Variants in ERN2 observed in about 807,000 individuals in gnomAD.
The protein encoded by ERN2 is endoplasmic reticulum to nucleus signaling 2, also known as serine/threonine-protein kinase/endoribonuclease IRE2.
A neutral mutation model predicts 107.9 loss-of-function variants in ERN2; 111 were observed. That is an observed-to-expected ratio of 1.03 (90% CI 0.88 to 1.20). ERN2 has a LOEUF of 1.20. ERN2 is among the 50% of genes most tolerant of loss of function. The pLI is 0.00. For missense variants in ERN2, 1,225 were observed against 1,197.9 expected (o/e 1.02, Z -0.33); for synonymous variants, 524 against 501.7 (o/e 1.04, Z -0.59).
At chr16:23,711,791 A>G (rs35851391) in intron 1 of ERN2, among the ~76,000 whole-genome samples, 1 of 152,172 alleles carries the variant, frequency 6.6e-6, no homozygotes, top group African/African-American at 2.4e-5. Flanking sequence ...TTGAGTTGCC[A>G]TCCCTCTGAT....
At chr16:23,694,968 G>T in intron 16 of ERN2, 41 bp from the exon 17 acceptor site, 1 of 1,613,396 alleles carries the variant, frequency 6.2e-7, no homozygotes, top group Non-Finnish European at 8.5e-7. Flanking sequence ...TGCTGAGGGC[G>T]GAAGGCAGGG....
Position 23,690,753 on chromosome 16 carries a change from C to CGGTCTTTT in ERN2, c.*77_*78insAAAAGACC. 2 of 1,213,118 alleles carry CGGTCTTTT rather than the reference C, an allele frequency of 1.6e-6. No individual in the cohort carries two copies. The highest frequency in any genetic ancestry group is 2.3e-6 in the Non-Finnish European group (2 of 853,144). The allele number at this position is 1,213,118 out of a possible 1,614,324, so 75.1% of individuals were successfully genotyped here. On this transcript the variant is annotated 3_prime_UTR_variant, in exon 22 of 22. Coordinates refer to ENST00000256797, the MANE Select transcript of ERN2 (RefSeq NM_033266.4). Reference sequence around the variant, plus strand: ...TACAGGTGTGAGCCACTGCACCCAGCCTGATTCTGAGGCCAGCCACAGGCT... The same window carrying CGGTCTTTT: ...TACAGGTGTGAGCCACTGCACCCAGCGGTCTTTTCTGATTCTGAGGCCAGCCACAGGCT...
In ERN2 at chr16:23,695,069, A is replaced by T; in HGVS notation, c.1850T>A (p.Val617Glu). 6.2e-7 allele frequency: 1 copy of T among 1,613,860 alleles called. No homozygotes were observed. Among genetic ancestry groups the T allele is most frequent in the East Asian group, 2.2e-5 (1 of 44,860 alleles). ...CAGGCCAGACATCAGCTGCTGCAGCACGACCTCGGGCTCCAGACCCCCGCG... is the reference window on the plus strand; with the variant it reads ...CAGGCCAGACATCAGCTGCTGCAGCTCGACCTCGGGCTCCAGACCCCCGCG... Reference protein sequence around the residue: ...LDRGGLEPEVVLQQLMSGLAH... With the variant: ...LDRGGLEPEVELQQLMSGLAH... Residue 617 changes from valine to glutamate, a missense_variant, in exon 16 of 22, where the codon GTG (valine) becomes GAG (glutamate). Transcript: ENST00000256797.
chr16:23,713,126 G>A lies in ERN2; in HGVS notation c.62C>T (p.Ala21Val), dbSNP rs1387587019. The A allele has an allele frequency of 3.8e-6, 6 of 1,574,802 alleles. No individual in the cohort carries two copies. The highest frequency in any genetic ancestry group is 5.1e-6 in the Non-Finnish European group (6 of 1,166,084). ...WPRLGLQLQF[A>V]ALLLGTLSPQ... The stretch of plus-strand genomic sequence containing the variant: ...ACTCAGCGTCCCGAGCAGCAGCGCC[G>A]CGAACTGGAGCTGGAGCCCCAGCCG... Residue 21 changes from alanine to valine, a missense_variant, in exon 1 of 22, where the codon GCG (alanine) becomes GTG (valine). Coordinates refer to ENST00000256797, the MANE Select transcript of ERN2 (RefSeq NM_033266.4).
rs1286299640 is a variant in ERN2 at position 23,711,160 on chromosome 16, G to A, written c.94-142C>T. On this transcript the variant is annotated intron_variant, in intron 1 of 21. Transcript: ENST00000256797. Reference sequence around the variant, plus strand: ...AGGAAGGGTGATTGGGGAACGTGCTGGTGTCACTCATCATCTCTTTGACCC... The same window carrying A: ...AGGAAGGGTGATTGGGGAACGTGCTAGTGTCACTCATCATCTCTTTGACCC... 8.2e-6 allele frequency: 5 copies of A among 608,476 alleles called. No individual in the cohort carries two copies. The African/African-American group carries it at 9.2e-5, about 11-fold the overall frequency. The allele number at this position is 608,476 out of a possible 1,614,324, so 37.7% of individuals were successfully genotyped here.
At chr16:23,698,039 C>T (rs903971153) in intron 13 of ERN2, among the ~76,000 whole-genome samples, 2 of 152,152 alleles carry the variant, frequency 1.3e-5, no homozygotes, top group Admixed American at 6.5e-5. Flanking sequence ...TCAAAAATCT[C>T]GTGTCAGGGA....
chr16:23,710,132 C>T (rs1960479900), intron 4 of ERN2, 40 bp downstream of exon 4: 3 of 1,444,364 alleles, frequency 2.1e-6, no homozygotes, highest in African/African-American at 2.8e-5. Context: ...TGACGAAAGC[C>T]CTGGCTCTCA....
chr16:23,705,132 G>C lies in ERN2; in HGVS notation c.605C>G (p.Ala202Gly). 6.2e-7 allele frequency: 1 copy of C among 1,611,978 alleles called. No homozygotes were observed. The highest frequency in any genetic ancestry group is 8.5e-7 in the Non-Finnish European group (1 of 1,178,238). The stretch of plus-strand genomic sequence containing the variant: ...GAGCAGCAGGCCCATCCCGCAGGAC[G>C]CCAGGTGGCTCATGTCTGCCGAGAA... ...GSPGKYMSHL[A>G]SCGMGLLLTV... Residue 202 changes from alanine (A) to glycine (G), a missense_variant, in exon 8 of 22, where the codon GCG (alanine) becomes GGG (glycine). Transcript: ENST00000256797.
Position 23,710,257 on chromosome 16 carries a change from G to A in ERN2, c.234-13C>T, listed in dbSNP as rs751714510. 1.2e-6 allele frequency: 2 copies of A among 1,609,610 alleles called. No homozygotes were observed. The highest frequency in any genetic ancestry group is 8.5e-7 in the Non-Finnish European group (1 of 1,175,988). ...GAGAAAGGCCATTCTGTGGAGCAGA[G>A]AGAAACAAGGAGACCAATGGGTTCT... On this transcript the variant is annotated splice_polypyrimidine_tract_variant and intron_variant, in intron 3 of 21. Coordinates refer to ENST00000256797, the MANE Select transcript of ERN2 (RefSeq NM_033266.4).
Position 23,695,893 on chromosome 16 carries a change from C to G in ERN2, c.1610+1G>C. 6.2e-7 allele frequency: 1 copy of G among 1,613,572 alleles called. No individual in the cohort carries two copies. Among genetic ancestry groups the G allele is most frequent in the Non-Finnish European group, 8.5e-7 (1 of 1,179,570 alleles). On this transcript the variant is annotated splice_donor_variant, in intron 14 of 21. Coordinates refer to ENST00000256797, the MANE Select transcript of ERN2 (RefSeq NM_033266.4). LOFTEE classifies it high-confidence loss of function. ...CAGCTTGGCTCCTGGCTGCCACTCACCGGAAAACGAAAGTCCCGCCTGCCC... is the reference window on the plus strand; with the variant it reads ...CAGCTTGGCTCCTGGCTGCCACTCAGCGGAAAACGAAAGTCCCGCCTGCCC...
In ERN2 at chr16:23,706,809, C is replaced by A. The variant is rs749934712; in HGVS notation, c.432G>T (p.Gln144His). Reference sequence around the variant, plus strand: ...AGGGACCCTCTGTGGTCAGTGTCATCTGGGTCTCCCCTGACTCAGGGTCCA... The same window carrying A: ...AGGGACCCTCTGTGGTCAGTGTCATATGGGTCTCCCCTGACTCAGGGTCCA... ...FVVDPESGET[Q>H]MTLTTEGPST... The change falls in exon 6 of 22, where the codon CAG becomes CAT. Residue 144 changes from glutamine to histidine, a missense_variant. Coordinates refer to ENST00000256797, the MANE Select transcript of ERN2 (RefSeq NM_033266.4). 2.2e-5 allele frequency: 36 copies of A among 1,613,692 alleles called. No individual in the cohort carries two copies. In the South Asian group the frequency reaches 3.8e-4, roughly 17 times the overall value.
chr16:23,690,859 C>G lies in ERN2; in HGVS notation c.2753G>C (p.Arg918Thr), dbSNP rs140265938. ...PYYPPDSEAR[R>T]PCPGATGR ...CCTCCCTGTGGCCCCAGGGCATGGC[C>G]TCCTGGCCTCTGAGTCTGGCGGGTA... The change falls in exon 22 of 22, where the codon AGG becomes ACG. Residue 918 changes from arginine (R) to threonine (T), a missense_variant. By Grantham distance (71) the Arg-to-Thr change is moderately conservative. Coordinates refer to ENST00000256797, the MANE Select transcript of ERN2 (RefSeq NM_033266.4). 1,927 of 1,613,170 alleles carry G rather than the reference C, an allele frequency of 1.2e-3. 9 individuals are homozygous for G. The highest frequency in any genetic ancestry group is 7.8e-3 in the Middle Eastern group (47 of 6,048).
intron 8 of ERN2, 34 bp downstream of exon 8, chr16:23,704,849 G>T (rs757156248): frequency 1.3e-6 from 2 of 1,594,152 alleles, no homozygotes; most frequent in Non-Finnish European, 1.7e-6. Context: ...CTCCCAGATG[G>T]CTCCCTCCCT....
chr16:23,696,601 T>G (rs1425813274), intron 13 of ERN2: 1 of 152,322 alleles, frequency 6.6e-6, no homozygotes, highest in Non-Finnish European at 1.5e-5. Context: ...GGGGTACCCC[T>G]AGAGGCCTCG....
In ERN2 at chr16:23,701,126, G is replaced by C. The variant is rs756289670; in HGVS notation, c.1204-12C>G. The C allele has an allele frequency of 3.7e-6, 6 of 1,611,542 alleles. No homozygotes were observed. Among genetic ancestry groups the C allele is most frequent in the South Asian group, 3.3e-5 (3 of 90,810 alleles). ...CTCAGGCTCAATAGCTGGGGATAAA[G>C]GGCCCTTCACTTTTAGCACCCCCTT... On this transcript the variant is annotated splice_polypyrimidine_tract_variant and intron_variant, in intron 11 of 21. Coordinates refer to ENST00000256797, the MANE Select transcript of ERN2 (RefSeq NM_033266.4).
At chr16:23,695,461 C>G (rs931879784) in intron 14 of ERN2, 72 bp from the exon 15 acceptor site, 5 of 1,439,758 alleles carry the variant, frequency 3.5e-6, no homozygotes, top group Non-Finnish European at 4.7e-6. Context: ...CATGGTGGCT[C>G]ACACCTGTAA....
Position 23,713,138 on chromosome 16 carries a change from T to A in ERN2, c.50A>T (p.Gln17Leu). Residue 17 changes from glutamine to leucine, a missense_variant, in exon 1 of 22, where the codon CAG becomes CTG. By Grantham distance (113) the Gln-to-Leu change is moderately radical (BLOSUM62 -2). Coordinates refer to ENST00000256797, the MANE Select transcript of ERN2 (RefSeq NM_033266.4). Reference protein sequence around the residue: ...GSRPWPRLGLQLQFAALLLGT... With the variant: ...GSRPWPRLGLLLQFAALLLGT... ...GAGCAGCAGCGCCGCGAACTGGAGC[T>A]GGAGCCCCAGCCGGGGCCACGGCCT... 6.3e-7 allele frequency: 1 copy of A among 1,576,260 alleles called. No homozygotes were observed. Among genetic ancestry groups the A allele is most frequent in the Non-Finnish European group, 8.6e-7 (1 of 1,166,752 alleles).
Position 23,695,287 on chromosome 16 carries a change from G to A in ERN2, c.1713C>T (p.His571=). The A allele has an allele frequency of 3.7e-6, 6 of 1,614,036 alleles. No individual in the cohort carries two copies. The highest frequency in any genetic ancestry group is 5.1e-6 in the Non-Finnish European group (6 of 1,180,020). ...EVQLLQESDR[H]PNVLRYFCTE... is the part of the protein sequence containing the mutation. The stretch of plus-strand genomic sequence containing the variant: ...TGCAGAAGTAGCGGAGCACGTTGGG[G>A]TGCCTGTCAGACTCCTGCAGCAGTT... Residue 571 remains histidine, a synonymous_variant, in exon 15 of 22, where the codon CAC becomes CAT. Coordinates refer to ENST00000256797, the MANE Select transcript of ERN2 (RefSeq NM_033266.4).
chr16:23,694,591 G>A (rs1959723210), intron 17 of ERN2, 137 bp downstream of exon 17: 2 of 750,498 alleles, frequency 2.7e-6, no homozygotes, highest in South Asian at 3.8e-5. Context: ...CTTCTTTAAG[G>A]GAAACAAGCT....
Sources: allele counts gnomAD v4.1 joint callset (sites outside exome capture counted in the v4.1 genomes callset), GRCh38; gene constraint gnomAD v4.1.1; transcripts MANE v1.5; gene names NCBI Gene and HGNC (gene_info 2026-07-23, HGNC 2026-07-21).